Variants in POMP observed in about 807,000 individuals in gnomAD.
The protein encoded by POMP is 2510048O06Rik.
A neutral mutation model predicts 20.6 loss-of-function variants in POMP; 12 were observed. That is an observed-to-expected ratio of 0.58 (90% CI 0.37 to 0.94). The LOEUF (loss-of-function observed/expected upper bound fraction) is 0.94. POMP is among the 40% of genes least tolerant of loss of function. The pLI, the probability that POMP is intolerant of heterozygous loss-of-function variation, is 0.01. For missense variants in POMP, 136 were observed against 161.1 expected (o/e 0.84, Z 0.84); for synonymous variants, 53 against 55.0 (o/e 0.96, Z 0.16).
intron 1 of POMP, among the ~76,000 whole-genome samples, chr13:28,661,678 C>A (rs1479158073): frequency 6.6e-6 from 1 of 152,160 alleles, no homozygotes; most frequent in South Asian, 2.1e-4. Flanking sequence ...ACACCAATAC[C>A]AAATGCACTG....
At chr13:28,674,039 T>C (rs934297595) in intron 5 of POMP, among the ~76,000 whole-genome samples, 2 of 152,210 alleles carry the variant, frequency 1.3e-5, no homozygotes, top group Admixed American at 6.5e-5. Context: ...CATGAAATCA[T>C]TGACCTAGAA....
At chr13:28,662,328 T>C (rs1201848434) in intron 1 of POMP, 82 bp from the exon 2 acceptor site, 3 of 1,049,010 alleles carry the variant, frequency 2.9e-6, no homozygotes, top group Non-Finnish European at 2.9e-6. Context: ...GTCTCCTACT[T>C]AAACAATATT....
chr13:28,659,605 C>A (rs940875522), intron 1 of POMP, among the ~76,000 whole-genome samples: 7 of 152,152 alleles, frequency 4.6e-5, no homozygotes, highest in African/African-American at 1.7e-4. Flanking sequence ...TCTCCCCCAG[C>A]CCCCGCCCTT....
chr13:28,677,880 A>G (rs1470800261), intron 5 of POMP, among the ~76,000 whole-genome samples, 155 bp from the exon 6 acceptor site: 1 of 152,286 alleles, frequency 6.6e-6, no homozygotes, highest in East Asian at 1.9e-4. Flanking sequence ...GTCCCTTTTC[A>G]GTCAGTCACC....
chr13:28,663,451 C>G (rs373903555), intron 2 of POMP, among the ~76,000 whole-genome samples: 1 of 152,166 alleles, frequency 6.6e-6, no homozygotes, highest in Non-Finnish European at 1.5e-5. Context: ...GCTGGGATTA[C>G]AGGCATGTGC....
chr13:28,677,128 G>T (rs1884641668), intron 5 of POMP, among the ~76,000 whole-genome samples: 1 of 151,954 alleles, frequency 6.6e-6, no homozygotes, highest in Non-Finnish European at 1.5e-5. Flanking sequence ...CTAATTACCG[G>T]CTGTTTTAGT....
At chr13:28,676,912 C>T (rs1884638661) in intron 5 of POMP, among the ~76,000 whole-genome samples, 1 of 152,222 alleles carries the variant, frequency 6.6e-6, no homozygotes, top group East Asian at 1.9e-4. Flanking sequence ...AACCCGTCTC[C>T]ACCAGTGCCT....
intron 4 of POMP, among the ~76,000 whole-genome samples, chr13:28,668,824 T>A (rs986979064): frequency 6.6e-6 from 1 of 152,146 alleles, no homozygotes; most frequent in Non-Finnish European, 1.5e-5. Flanking sequence ...GTTTTTTTTT[T>A]ATGTATTACA....
intron 5 of POMP, among the ~76,000 whole-genome samples, chr13:28,673,518 C>T (rs1446567530): frequency 1.3e-5 from 2 of 152,164 alleles, no homozygotes; most frequent in South Asian, 4.1e-4. Flanking sequence ...TATGCCCCAG[C>T]AGTGCAGGAG....
At position 28,662,502 on chromosome 13, in the gene POMP, G is replaced by C. The variant is rs1884363266; in HGVS notation, c.96G>C (p.Arg32=). 1 of 1,607,572 alleles carries C rather than the reference G, an allele frequency of 6.2e-7. No individual in the cohort carries two copies. Among genetic ancestry groups the C allele is most frequent in the African/African-American group, 1.3e-5 (1 of 74,740 alleles). ...CTTTTGAAAGTCATGATCTTCTTCG[G>C]AAAGGGTATATGGGGGAGTTATGAC... ...SGPFESHDLL[R]KGFSCVKNEL... Residue 32 remains arginine (R), a synonymous_variant, in exon 2 of 6, where the codon CGG becomes CGC. Transcript: ENST00000380842.
At chr13:28,659,518 A>G (rs1884296797) in intron 1 of POMP, among the ~76,000 whole-genome samples, 1 of 152,096 alleles carries the variant, frequency 6.6e-6, no homozygotes, top group African/African-American at 2.4e-5. Context: ...GTGAAAGTGC[A>G]ACGTTCTGTG....
chr13:28,672,627 G>A (rs1000821114), intron 5 of POMP, among the ~76,000 whole-genome samples, 195 bp downstream of exon 5: 3 of 152,126 alleles, frequency 2.0e-5, no homozygotes, highest in Middle Eastern at 3.4e-3. Context: ...GGCTGGGTGC[G>A]GTGGCTCACG....
At chr13:28,670,417 C>CTGG (rs1009490880) in intron 4 of POMP, among the ~76,000 whole-genome samples, 42 of 152,226 alleles carry the variant, frequency 2.8e-4, no homozygotes, top group African/African-American at 9.4e-4. Context: ...TGCTACTATG[C>CTGG]TGGTCCTTGC....
At chr13:28,659,709 A>T (rs931056816) in intron 1 of POMP, 1 of 157,804 alleles carries the variant, frequency 6.3e-6, no homozygotes, top group East Asian at 1.8e-4. Flanking sequence ...AGTGTGCTAG[A>T]TGTTAGAGGG....
At chr13:28,664,747 C>T (rs2137792005) in intron 3 of POMP, among the ~76,000 whole-genome samples, 178 bp downstream of exon 3, 1 of 152,244 alleles carries the variant, frequency 6.6e-6, no homozygotes, top group South Asian at 2.1e-4. Flanking sequence ...CTCTAAAGCT[C>T]CCTTTCTATG....
At chr13:28,674,174 A>G (rs939868207) in intron 5 of POMP, among the ~76,000 whole-genome samples, 19 of 152,230 alleles carry the variant, frequency 1.2e-4, no homozygotes, top group Admixed American at 1.1e-3. Context: ...TTAGCCTGCC[A>G]TGAATTCATG....
chr13:28,676,293 C>T (rs989594611), intron 5 of POMP, among the ~76,000 whole-genome samples: 2 of 152,152 alleles, frequency 1.3e-5, no homozygotes, highest in Non-Finnish European at 2.9e-5. Context: ...CGTGGGCCAC[C>T]GCGCCTGGCC....
chr13:28,677,582 C>T (rs769443943), intron 5 of POMP, among the ~76,000 whole-genome samples: 2 of 152,058 alleles, frequency 1.3e-5, no homozygotes, highest in African/African-American at 2.4e-5. Flanking sequence ...AGAATTCTTA[C>T]GTTTGTGTGG....
rs888035220 is a variant in POMP at position 28,668,704 on chromosome 13, A to G, written c.264+130A>G. 4.0e-6 allele frequency: 3 copies of G among 742,890 alleles called. No individual in the cohort carries two copies. The African/African-American group carries it at 5.3e-5, about 13-fold the overall frequency. The allele number at this position is 742,890 out of a possible 1,614,324, so 46.0% of individuals were successfully genotyped here. A position where few individuals can be genotyped will look rare whatever the true frequency, so the allele number is the denominator to read the frequency against. ...CTTCCCTCCCCCTTTTTAGGGTATG[A>G]CCTTGATTTCTACTTCATAGAGGGA... On this transcript the variant is annotated intron_variant, in intron 4 of 5. Transcript: ENST00000380842.
Sources: allele counts gnomAD v4.1 joint callset (sites outside exome capture counted in the v4.1 genomes callset), GRCh38; gene constraint gnomAD v4.1.1; transcripts MANE v1.5; gene names NCBI Gene and HGNC (gene_info 2026-07-23, HGNC 2026-07-21).